SHROOM3: variants seen among roughly 807,000 people sequenced by gnomAD.
The protein encoded by SHROOM3 is protein Shroom3.
Under a neutral mutation model 138.6 loss-of-function variants are expected in SHROOM3, and 47 were observed. The ratio of observed to expected loss-of-function variants is 0.34; its 90% CI spans 0.27 to 0.43. The LOEUF (loss-of-function observed/expected upper bound fraction) is 0.43, where lower values mean the gene tolerates loss of function less well. Among genes scored for constraint, SHROOM3 ranks in the 20% least tolerant of loss-of-function variants. The pLI is 1.00. For synonymous variants in SHROOM3, 1,062 were observed against 1,063.3 expected (o/e 1.00, Z 0.02); for missense variants, 2,491 against 2,596.5 (o/e 0.96, Z 0.88).
intron 1 of SHROOM3, chr4:76,509,262 G>C (rs111401392): frequency 0.3 from 44,974 of 151,482 alleles, 7,494 homozygotes; most frequent in African/African-American, 0.44. Flanking sequence ...CCCCCCCTCC[G>C]AATCCAGCAT....
intron 3 of SHROOM3, among the ~76,000 whole-genome samples, chr4:76,719,660 GA>G (rs1048081814): frequency 3.3e-5 from 5 of 151,626 alleles, no homozygotes; most frequent in African/African-American, 4.9e-5. Flanking sequence ...GAATATTGGG[GA>G]AAAAAACATT....
At chr4:76,585,479 A>G (rs901337604) in intron 2 of SHROOM3, among the ~76,000 whole-genome samples, 12 of 152,142 alleles carry the variant, frequency 7.9e-5, no homozygotes, top group African/African-American at 2.9e-4. Context: ...TCTGGGGCAA[A>G]TACCAAACTT....
intron 1 of SHROOM3, among the ~76,000 whole-genome samples, chr4:76,457,798 CTTT>C (rs1186099037): frequency 8.0e-5 from 11 of 137,982 alleles, no homozygotes; most frequent in Admixed American, 1.4e-4. Context: ...CTTTTCTTTT[CTTT>C]TTTTTTTTTT....
chr4:76,628,091 G>A (rs921668148), intron 2 of SHROOM3, among the ~76,000 whole-genome samples: 1 of 152,114 alleles, frequency 6.6e-6, no homozygotes, highest in African/African-American at 2.4e-5. Context: ...GTATGAAAAG[G>A]CATTGAAAAT....
intron 7 of SHROOM3, among the ~76,000 whole-genome samples, chr4:76,756,011 A>C (rs915633366): frequency 6.6e-6 from 1 of 152,228 alleles, no homozygotes; most frequent in Non-Finnish European, 1.5e-5. Flanking sequence ...AATCTCTGGA[A>C]TCTAACAGCA....
intron 2 of SHROOM3, among the ~76,000 whole-genome samples, chr4:76,646,229 T>TAA (rs1735815046): frequency 1.6e-4 from 6 of 37,468 alleles, no homozygotes; most frequent in African/African-American, 5.6e-4. Flanking sequence ...TAAATAAATA[T>TAA]ATATATATAT....
At chr4:76,725,115 T>C (rs1220843239) in intron 3 of SHROOM3, among the ~76,000 whole-genome samples, 2 of 152,160 alleles carry the variant, frequency 1.3e-5, no homozygotes, top group African/African-American at 4.8e-5. Context: ...TTTTTGTTTT[T>C]TTCAGGGCCT....
chr4:76,467,328 C>T (rs1347111522), intron 1 of SHROOM3, among the ~76,000 whole-genome samples: 6 of 152,046 alleles, frequency 3.9e-5, no homozygotes, highest in Non-Finnish European at 2.9e-5. Flanking sequence ...ATTACAGGCA[C>T]GAGCCACCAT....
At chr4:76,454,471 A>G (rs1017806449) in intron 1 of SHROOM3, among the ~76,000 whole-genome samples, 1 of 152,200 alleles carries the variant, frequency 6.6e-6, no homozygotes, top group African/African-American at 2.4e-5. Context: ...TTAGCCATTT[A>G]TAGCCAGAGT....
chr4:76,759,123 G>C (rs986439288), intron 8 of SHROOM3, among the ~76,000 whole-genome samples: 3 of 152,344 alleles, frequency 2.0e-5, no homozygotes, highest in East Asian at 3.9e-4. Context: ...AACCAAAGGA[G>C]TATAGGAAAT....
intron 1 of SHROOM3, among the ~76,000 whole-genome samples, chr4:76,527,476 G>A (rs372866986): frequency 6.6e-6 from 1 of 152,178 alleles, no homozygotes; most frequent in African/African-American, 2.4e-5. Context: ...CCAGCTACTC[G>A]GGAGGCTGAG....
chr4:76,676,944 C>CAAAAAAAAAAAAA (rs58270392), intron 2 of SHROOM3, among the ~76,000 whole-genome samples: 1 of 79,076 alleles, frequency 1.3e-5, no homozygotes, highest in African/African-American at 5.7e-5. Flanking sequence ...CTCCGTCTCA[C>CAAAAAAAAAAAAA]AAAAAAAAAA....
intron 3 of SHROOM3, among the ~76,000 whole-genome samples, chr4:76,728,752 T>C (rs1720783153): frequency 6.6e-6 from 1 of 152,200 alleles, no homozygotes. Context: ...ACCCCCGTGA[T>C]TTCAGGTCAC....
intron 1 of SHROOM3, among the ~76,000 whole-genome samples, chr4:76,531,659 C>T (rs1315818651): frequency 6.6e-6 from 1 of 152,188 alleles, no homozygotes; most frequent in African/African-American, 2.4e-5. Flanking sequence ...TTCAGCACAG[C>T]ACTTAGTAAG....
At position 76,578,629 on chromosome 4, in the gene SHROOM3, T is replaced by A. The variant is rs540443507; in HGVS notation, c.323+22866T>A. ...GACAACAATAGGCAAAGCTCATTTA[T>A]GATGTAGACCCAAGGTGGGCTGGAA... On this transcript the variant is annotated intron_variant, in intron 2 of 10. Coordinates refer to ENST00000296043, the MANE Select transcript of SHROOM3 (RefSeq NM_020859.4). Among the ~76,000 whole-genome samples the A allele has an allele frequency of 3.3e-5, 5 of 152,336 alleles. No homozygotes were observed. In the East Asian group the frequency reaches 9.6e-4, roughly 29 times the overall value.
At chr4:76,573,656 T>G (rs1253197198) in intron 2 of SHROOM3, 1 of 154,148 alleles carries the variant, frequency 6.5e-6, no homozygotes, top group Non-Finnish European at 1.5e-5. Context: ...TCCCAGCCAC[T>G]GCTGGCCTCC....
intron 2 of SHROOM3, among the ~76,000 whole-genome samples, chr4:76,588,058 C>T (rs1197940549): frequency 6.6e-6 from 1 of 152,096 alleles, no homozygotes; most frequent in Non-Finnish European, 1.5e-5. Context: ...TAATCATTGT[C>T]TTCCATAAAA....
chr4:76,739,141 T>C lies in SHROOM3; in HGVS notation c.968T>C (p.Val323Ala). The C allele has an allele frequency of 6.2e-7, 1 of 1,614,066 alleles. No individual in the cohort carries two copies. The highest frequency in any genetic ancestry group is 8.5e-7 in the Non-Finnish European group (1 of 1,180,000). Reference sequence around the variant, plus strand: ...AGGGGAGTCTCAGCAGAGTATGAGGTGAACTCTTCAGCCCTGCTGCTTCAA... The same window carrying C: ...AGGGGAGTCTCAGCAGAGTATGAGGCGAACTCTTCAGCCCTGCTGCTTCAA... ...TRRGVSAEYE[V>A]NSSALLLQGR... Residue 323 changes from valine (V) to alanine (A), a missense_variant, in exon 5 of 11, where the codon GTG becomes GCG. Transcript: ENST00000296043.
intron 2 of SHROOM3, among the ~76,000 whole-genome samples, chr4:76,583,717 T>C (rs1432928572): frequency 3.9e-5 from 6 of 152,168 alleles, no homozygotes; most frequent in African/African-American, 1.2e-4. Flanking sequence ...ATCTGTAAAG[T>C]TGGAGTAATA....
Sources: gnomAD v4.1 joint callset for allele counts (sites outside exome capture counted in the v4.1 genomes callset) on GRCh38, gnomAD v4.1.1 for gene constraint, MANE v1.5 for transcripts, NCBI Gene and HGNC (gene_info 2026-07-23, HGNC 2026-07-21) for gene names.